The following LRRC69 variants were observed in gnomAD, a reference collection of about 807,000 sequenced individuals.
LRRC69 encodes leucine-rich repeat-containing protein 69.
LRRC69 carries 42 observed loss-of-function variants against 37.8 expected under a neutral mutation model. The ratio of observed to expected loss-of-function variants is 1.11; its 90% CI spans 0.87 to 1.44. LRRC69 has a LOEUF of 1.44. LRRC69 is among the 40% of genes most tolerant of loss of function. LRRC69 has a pLI of 0.00. For missense variants in LRRC69, 357 were observed against 401.9 expected, an observed-to-expected ratio of 0.89 and a Z score of 0.96; for synonymous variants, 141 against 143.1, an observed-to-expected ratio of 0.99 and a Z score of 0.11.
chr8:91,189,805 G>A (rs1809463370), intron 6 of LRRC69, among the ~76,000 whole-genome samples, 182 bp downstream of exon 6: 1 of 152,092 alleles, frequency 6.6e-6, no homozygotes, highest in Non-Finnish European at 1.5e-5. Flanking sequence ...GAAATCCTAA[G>A]TCACTCTGAT....
intron 6 of LRRC69, among the ~76,000 whole-genome samples, chr8:91,192,983 C>A (rs1809527898): frequency 2.0e-5 from 3 of 152,224 alleles, no homozygotes; most frequent in Admixed American, 2.0e-4. Flanking sequence ...GGTTTTAGAT[C>A]TAACGTTTAA....
intron 5 of LRRC69, among the ~76,000 whole-genome samples, chr8:91,172,586 G>A (rs10283364): frequency 0.048 from 7,363 of 151,992 alleles, 217 homozygotes; most frequent in African/African-American, 0.074. Flanking sequence ...CAAGATCTCA[G>A]CTCACCGCAA....
intron 4 of LRRC69, among the ~76,000 whole-genome samples, 199 bp from the exon 5 acceptor site, chr8:91,135,469 G>A (rs1813894173): frequency 6.6e-6 from 1 of 152,052 alleles, no homozygotes; most frequent in Non-Finnish European, 1.5e-5. Context: ...GGAGTGGTCA[G>A]AGGAAATGAA....
intron 1 of LRRC69, among the ~76,000 whole-genome samples, chr8:91,110,994 C>G (rs1333908113): frequency 6.6e-6 from 1 of 152,046 alleles, no homozygotes; most frequent in South Asian, 2.1e-4. Context: ...TAGTTTGAGT[C>G]TTTACAGAGA....
At chr8:91,157,304 A>G (rs1808853272) in intron 5 of LRRC69, 1 of 1,608,004 alleles carries the variant, frequency 6.2e-7, no homozygotes, top group Admixed American at 1.7e-5. Context: ...TCAGCTTCCC[A>G]TGTGGCACCC....
At chr8:91,148,086 AT>A (rs530394098) in intron 5 of LRRC69, among the ~76,000 whole-genome samples, 3 of 147,558 alleles carry the variant, frequency 2.0e-5, no homozygotes, top group East Asian at 2.1e-4. Flanking sequence ...ATGTGTACCA[AT>A]TTTTTTTATT....
At chr8:91,188,624 A>G (rs1277520732) in intron 5 of LRRC69, among the ~76,000 whole-genome samples, 1 of 152,198 alleles carries the variant, frequency 6.6e-6, no homozygotes, top group African/African-American at 2.4e-5. Context: ...ATAACTCCCT[A>G]AATTAGGTTA....
At chr8:91,195,428 A>G (rs943898887) in intron 6 of LRRC69, among the ~76,000 whole-genome samples, 2 of 151,756 alleles carry the variant, frequency 1.3e-5, no homozygotes, top group African/African-American at 4.8e-5. Flanking sequence ...TGATCTGTCT[A>G]ATGTTGACAG....
At chr8:91,165,967 GTCA>G (rs1809021437) in intron 5 of LRRC69, among the ~76,000 whole-genome samples, 1 of 151,640 alleles carries the variant, frequency 6.6e-6, no homozygotes, top group African/African-American at 2.4e-5. Context: ...TCTTTTTTAG[GTCA>G]TAATAGAGTG....
At chr8:91,195,382 C>G (rs1200759070) in intron 6 of LRRC69, among the ~76,000 whole-genome samples, 3 of 151,380 alleles carry the variant, frequency 2.0e-5, no homozygotes, top group Non-Finnish European at 4.4e-5. Context: ...GAGCTGAGTT[C>G]AATTCCTGGG....
intron 5 of LRRC69, among the ~76,000 whole-genome samples, chr8:91,136,393 TC>T (rs1208443992): frequency 2.0e-5 from 3 of 152,002 alleles, no homozygotes; most frequent in Non-Finnish European, 4.4e-5. Flanking sequence ...GAGGTTTCAG[TC>T]TTTTTTTACC....
chr8:91,133,484 A>G, intron 4 of LRRC69, 179 bp downstream of exon 4: 2 of 472,408 alleles, frequency 4.2e-6, no homozygotes, highest in Non-Finnish European at 7.2e-6. Flanking sequence ...GAATTATCCC[A>G]CATAGCTAGG....
At chr8:91,170,165 C>G (rs1269659064) in intron 5 of LRRC69, among the ~76,000 whole-genome samples, 1 of 108,192 alleles carries the variant, frequency 9.2e-6, no homozygotes, top group African/African-American at 3.7e-5. Context: ...TCCTATTTCT[C>G]CACATCCTCT....
intron 6 of LRRC69, among the ~76,000 whole-genome samples, chr8:91,199,081 CT>C (rs553739717): frequency 7.2e-5 from 11 of 152,148 alleles, no homozygotes; most frequent in Non-Finnish European, 1.5e-4. Flanking sequence ...TCAGCAAATG[CT>C]TCTGTCATCT....
chr8:91,162,525 A>G (rs1007633584), intron 5 of LRRC69, among the ~76,000 whole-genome samples: 6 of 151,014 alleles, frequency 4.0e-5, no homozygotes, highest in Non-Finnish European at 5.9e-5. Flanking sequence ...GTTCCTTTTT[A>G]TATTTTTTGA....
At chr8:91,158,225 C>T in intron 5 of LRRC69, 1 of 1,592,580 alleles carries the variant, frequency 6.3e-7, no homozygotes, top group Non-Finnish European at 8.6e-7. Flanking sequence ...AACTGTGGAT[C>T]AAGTTAAGGA....
At chr8:91,212,453 A>C (rs1809947383) in intron 7 of LRRC69, among the ~76,000 whole-genome samples, 1 of 152,190 alleles carries the variant, frequency 6.6e-6, no homozygotes, top group Admixed American at 6.5e-5. Context: ...CTCAAAAGAG[A>C]TTAGACTGCG....
At chr8:91,134,759 A>G (rs2130517863) in intron 4 of LRRC69, among the ~76,000 whole-genome samples, 1 of 152,190 alleles carries the variant, frequency 6.6e-6, no homozygotes, top group Middle Eastern at 3.4e-3. Context: ...AATAACTCAG[A>G]GAATCTCAGC....
At chr8:91,158,350 T>C in intron 5 of LRRC69, 1 of 1,449,218 alleles carries the variant, frequency 6.9e-7, no homozygotes, top group East Asian at 2.3e-5. Context: ...TTGATGAGAA[T>C]GAATCTTGGT....
Sources: gnomAD v4.1 joint callset for allele counts (sites outside exome capture counted in the v4.1 genomes callset) on GRCh38, gnomAD v4.1.1 for gene constraint, MANE v1.5 for transcripts, NCBI Gene and HGNC (gene_info 2026-07-23, HGNC 2026-07-21) for gene names.